Variants in NUTM1 observed in about 807,000 individuals in gnomAD.
The protein encoded by NUTM1 is NUT midline carcinoma family member 1.
A neutral mutation model predicts 88.7 loss-of-function variants in NUTM1; 39 were observed. That is an observed-to-expected ratio of 0.44 (90% CI 0.34 to 0.57). The LOEUF (loss-of-function observed/expected upper bound fraction) is 0.57. NUTM1 is among the 20% of genes least tolerant of loss of function. The pLI is 0.01. For synonymous variants in NUTM1, 494 were observed against 538.0 expected (o/e 0.92, Z 1.13); for missense variants, 1,350 against 1,414.5 (o/e 0.95, Z 0.73).
Position 34,355,768 on chromosome 15 carries a change from C to A in NUTM1, c.1760C>A (p.Ser587Tyr). 1 of 1,614,208 alleles carries A rather than the reference C, an allele frequency of 6.2e-7. No individual in the cohort carries two copies. The highest frequency in any genetic ancestry group is 8.5e-7 in the Non-Finnish European group (1 of 1,180,038). ...CACAGGGATGGGAACACTCTGCCAT[C>A]CCCCAGCAGCTGGGACCTGCAGCCA... ...GMHRDGNTLPSPSSWDLQPEL... is the reference protein window; with the variant it reads ...GMHRDGNTLPYPSSWDLQPEL... The change falls in exon 8 of 8, where the codon TCC (serine) becomes TAC (tyrosine). Residue 587 changes from serine (S) to tyrosine (Y), a missense_variant. This residue lies in a region of NUTM1 where 730 missense variants were observed against 728.8 expected (regional missense o/e 1.00). Coordinates refer to ENST00000537011, the MANE Select transcript of NUTM1 (RefSeq NM_001284292.2). This position sits in a 1 kb window ranked among gnomAD's most constrained non-coding sequence, Gnocchi z 4.3.
At chr15:34,347,457 C>A (rs935828681) in intron 2 of NUTM1, among the ~76,000 whole-genome samples, 1 of 152,048 alleles carries the variant, frequency 6.6e-6, no homozygotes, top group Non-Finnish European at 1.5e-5. Flanking sequence ...AGGGTTTTGC[C>A]ATGTTGCCCA....
At chr15:34,353,992 G>A in intron 5 of NUTM1, 120 bp downstream of exon 5, 1 of 1,167,304 alleles carries the variant, frequency 8.6e-7, no homozygotes. Context: ...TCTGGAGAGT[G>A]GCATTTGATA....
chr15:34,354,787 G>A (rs939698286), intron 6 of NUTM1, 55 bp downstream of exon 6: 89 of 1,555,098 alleles, frequency 5.7e-5, no homozygotes, highest in African/African-American at 9.5e-5. Context: ...GGGTACTCCC[G>A]GGAACTAATG....
In NUTM1 at chr15:34,357,714, A is replaced by T; in HGVS notation, c.*223A>T. The T allele has an allele frequency of 1.3e-6, 1 of 790,800 alleles. No individual in the cohort carries two copies. Among genetic ancestry groups the T allele is most frequent in the East Asian group, 2.7e-5 (1 of 37,228 alleles). 49.0% of individuals were successfully genotyped at this position (790,800 alleles called of 1,614,324 possible). ...GGAGCTATATAGAAAAAAAATGAAT[A>T]AAGTGTTTTGTTGGAAAATGCTCTC... On this transcript the variant is annotated 3_prime_UTR_variant, in exon 8 of 8. Transcript: ENST00000537011.
In NUTM1 at chr15:34,357,372, C is replaced by A. The variant is rs775243567; in HGVS notation, c.3364C>A (p.Leu1122Ile). The part of the protein sequence containing the change: ...TEKTPHSGAQ[L>I]GVPREKPLAL... ...AAAGACACCCCACTCAGGAGCTCAA[C>A]TTGGGGTCCCCAGGGAGAAACCCCT... Residue 1122 changes from leucine (L) to isoleucine (I), a missense_variant, in exon 8 of 8, where the codon CTT becomes ATT. Coordinates refer to ENST00000537011, the MANE Select transcript of NUTM1 (RefSeq NM_001284292.2). The A allele has an allele frequency of 8.1e-6, 13 of 1,614,226 alleles. No individual in the cohort carries two copies. Among genetic ancestry groups the A allele is most frequent in the South Asian group, 1.1e-5 (1 of 91,088 alleles).
intron 4 of NUTM1, among the ~76,000 whole-genome samples, chr15:34,352,287 C>T (rs1051939787): frequency 6.6e-6 from 1 of 152,168 alleles, no homozygotes; most frequent in African/African-American, 2.4e-5. Flanking sequence ...CTTACCTTTC[C>T]AAGAATCCCA....
chr15:34,350,924 A>T, intron 4 of NUTM1, 92 bp downstream of exon 4: 5 of 1,519,726 alleles, frequency 3.3e-6, no homozygotes, highest in Non-Finnish European at 2.7e-6. Flanking sequence ...GTGATTATCA[A>T]AAGCCATGTT....
Position 34,354,678 on chromosome 15 carries a change from A to G in NUTM1, c.1308A>G (p.Pro436=), listed in dbSNP as rs372397019. 1 of 1,614,066 alleles carries G rather than the reference A, an allele frequency of 6.2e-7. No individual in the cohort carries two copies. Among genetic ancestry groups the G allele is most frequent in the African/African-American group, 1.3e-5 (1 of 74,942 alleles). Residue 436 remains proline (P), a synonymous_variant, in exon 6 of 8, where the codon CCA becomes CCG. Coordinates refer to ENST00000537011, the MANE Select transcript of NUTM1 (RefSeq NM_001284292.2). ...AGGAGGAAGGGATGTATCCAGATCC[A>G]GGTCTCCTGAGCTACATCAATGAGC... The part of the protein sequence containing the change: ...QQEEEGMYPD[P]GLLSYINELC...
rs749218381 is a variant in NUTM1 at position 34,353,883 on chromosome 15, C to T, written c.1075+11C>T. On this transcript the variant is annotated intron_variant, in intron 5 of 7. Coordinates refer to ENST00000537011, the MANE Select transcript of NUTM1 (RefSeq NM_001284292.2). Reference sequence around the variant, plus strand: ...TTTGCCAGCAGCCAGGTGAGGCTACCCAATTTTGACAGGAGCCGTGGGCCA... The same window carrying T: ...TTTGCCAGCAGCCAGGTGAGGCTACTCAATTTTGACAGGAGCCGTGGGCCA... 3.1e-6 allele frequency: 5 copies of T among 1,612,826 alleles called. No individual in the cohort carries two copies. The South Asian group carries it at 5.5e-5, about 18-fold the overall frequency.
intron 4 of NUTM1, among the ~76,000 whole-genome samples, chr15:34,351,092 G>A (rs56068810): frequency 0.011 from 1,598 of 151,632 alleles, 29 homozygotes; most frequent in African/African-American, 0.036. Context: ...GCCGGGCATG[G>A]TGGCATGTGC....
Position 34,348,257 on chromosome 15 carries a change from C to T in NUTM1, c.389C>T (p.Ser130Phe). Residue 130 changes from serine (S) to phenylalanine (F), a missense_variant, in exon 3 of 8, where the codon TCT (serine) becomes TTT (phenylalanine). Around this residue, in one of 5 missense-constraint regions of NUTM1, gnomAD observed 399 missense variants for 397.9 expected, o/e 1.00. Transcript: ENST00000537011. ...VKTEGGSAEPSQTQNFILTQT... is the reference protein window; with the variant it reads ...VKTEGGSAEPFQTQNFILTQT... ...ACAGAAGGGGGGTCAGCTGAGCCCT[C>T]TCAAACTCAGAACTTTATCCTTACT... 5.0e-6 allele frequency: 8 copies of T among 1,614,264 alleles called. No individual in the cohort carries two copies. The highest frequency in any genetic ancestry group is 6.8e-6 in the Non-Finnish European group (8 of 1,180,048).
chr15:34,351,263 A>G (rs1393264154), intron 4 of NUTM1, among the ~76,000 whole-genome samples: 2 of 122,164 alleles, frequency 1.6e-5, no homozygotes, highest in African/African-American at 6.0e-5. Context: ...AAAAAAAAAA[A>G]AGGGATGTTA....
intron 6 of NUTM1, 91 bp downstream of exon 6, chr15:34,354,823 G>A: frequency 7.6e-7 from 1 of 1,321,258 alleles, no homozygotes. Flanking sequence ...AATGCAGTAG[G>A]ACTTAGGTTT....
Position 34,355,427 on chromosome 15 carries a change from C to T in NUTM1, c.1480-61C>T, listed in dbSNP as rs1194294161. 1.3e-6 allele frequency: 2 copies of T among 1,577,032 alleles called. No homozygotes were observed. Among genetic ancestry groups the T allele is most frequent in the Non-Finnish European group, 1.7e-6 (2 of 1,150,226 alleles). On this transcript the variant is annotated intron_variant, in intron 7 of 7. Coordinates refer to ENST00000537011, the MANE Select transcript of NUTM1 (RefSeq NM_001284292.2). This position sits in a 1 kb window ranked among gnomAD's most constrained non-coding sequence, Gnocchi z 4.3. ...CCTGCCCAAATACCGTCTTGTGCCA[C>T]CCACTCAGCCACCTCTTTCACAACC...
intron 1 of NUTM1, 70 bp downstream of exon 1, chr15:34,343,772 A>T: frequency 1.4e-6 from 2 of 1,388,080 alleles, no homozygotes; most frequent in Non-Finnish European, 2.0e-6. Flanking sequence ...AAGAATATAG[A>T]AGTTCTCCTT....
intron 1 of NUTM1, 99 bp downstream of exon 1, chr15:34,343,801 GA>G: frequency 2.8e-6 from 3 of 1,083,608 alleles, no homozygotes; most frequent in Non-Finnish European, 3.9e-6. Flanking sequence ...CTCGTTTAAA[GA>G]AATGAAAATG....
intron 2 of NUTM1, among the ~76,000 whole-genome samples, chr15:34,347,649 C>T (rs925866045): frequency 6.6e-6 from 1 of 152,050 alleles, no homozygotes; most frequent in Admixed American, 6.5e-5. Context: ...GTCAGGAGAT[C>T]GAGACCAACC....
At chr15:34,350,604 A>C (rs1282828463) in intron 3 of NUTM1, 100 bp from the exon 4 acceptor site, 2 of 1,439,598 alleles carry the variant, frequency 1.4e-6, no homozygotes, top group African/African-American at 2.8e-5. Flanking sequence ...GGGGCACAAT[A>C]GATTTGATGA....
In NUTM1 at chr15:34,343,492, A is replaced by G. The variant is rs1890524021; in HGVS notation, c.-205A>G. 1.6e-6 allele frequency: 2 copies of G among 1,225,554 alleles called. No homozygotes were observed. The highest frequency in any genetic ancestry group is 5.0e-5 in the Admixed American group (2 of 40,120). The allele number at this position is 1,225,554 out of a possible 1,614,324, so 75.9% of individuals were successfully genotyped here. On this transcript the variant is annotated 5_prime_UTR_variant, in exon 1 of 8. Transcript: ENST00000537011. ...AGAGCCCCTTTACCCTAGGGAAGAA[A>G]GAAGAGGTTTTCTTCCCTCCCCTCT...
Sources: gnomAD v4.1 joint callset for allele counts (sites outside exome capture counted in the v4.1 genomes callset) on GRCh38, gnomAD v4.1.1 for gene constraint, gnomAD v4.1.1 regional missense constraint, Gnocchi (gnomAD v3.1) non-coding constraint, MANE v1.5 for transcripts, NCBI Gene and HGNC (gene_info 2026-07-23, HGNC 2026-07-21) for gene names.